The following LIMK2 variants were observed in gnomAD, a reference collection of about 807,000 sequenced individuals.
The protein encoded by LIMK2 is LIM domain kinase 2.
In LIMK2, 35 loss-of-function variants were observed where a neutral mutation model predicts 75.7. That is an observed-to-expected ratio of 0.46 (90% confidence interval 0.35 to 0.61). The LOEUF is 0.61. LIMK2 is among the 20% of genes least tolerant of loss of function. LIMK2 has a pLI of 0.00. For synonymous variants in LIMK2, 301 were observed against 319.2 expected, an observed-to-expected ratio of 0.94 and a Z score of 0.61; for missense variants, 623 against 831.0, an observed-to-expected ratio of 0.75 and a Z score of 3.08.
At chr22:31,264,537 G>A (rs1036766407) in intron 7 of LIMK2, among the ~76,000 whole-genome samples, 1 of 152,200 alleles carries the variant, frequency 6.6e-6, no homozygotes, top group Admixed American at 6.5e-5. Context: ...TGTAAACATA[G>A]TGACTTTATT....
At chr22:31,253,263 A>G (rs1400148981) in intron 2 of LIMK2, among the ~76,000 whole-genome samples, 3 of 152,356 alleles carry the variant, frequency 2.0e-5, no homozygotes, top group African/African-American at 7.2e-5. Context: ...ACCTACAGCC[A>G]GGGCAGATTT....
At chr22:31,278,151 T>C (rs1601452960) in intron 15 of LIMK2, 146 bp from the exon 16 acceptor site, 4 of 667,366 alleles carry the variant, frequency 6.0e-6, no homozygotes, top group Non-Finnish European at 1.0e-5. Flanking sequence ...GGTAACATTA[T>C]GCCCATTTCT....
At chr22:31,265,365 CAAAAAT>C (rs922167607) in intron 7 of LIMK2, among the ~76,000 whole-genome samples, 1 of 151,382 alleles carries the variant, frequency 6.6e-6, no homozygotes, top group African/African-American at 2.4e-5. Context: ...GACTCTGTCT[CAAAAAT>C]AATAATAATA....
chr22:31,271,311 A>G, intron 12 of LIMK2, 110 bp downstream of exon 12: 1 of 895,956 alleles, frequency 1.1e-6, no homozygotes. Context: ...GGTGTTGCCT[A>G]GGAGCTCCTA....
chr22:31,247,905 A>G (rs2048685583), intron 2 of LIMK2, among the ~76,000 whole-genome samples: 1 of 152,148 alleles, frequency 6.6e-6, no homozygotes, highest in Non-Finnish European at 1.5e-5. Flanking sequence ...TCCCCAGGAC[A>G]GGCAGAGGGA....
chr22:31,256,379 C>T (rs1601428106), intron 2 of LIMK2, among the ~76,000 whole-genome samples: 1 of 147,248 alleles, frequency 6.8e-6, no homozygotes, highest in South Asian at 2.2e-4. Flanking sequence ...CTGACTCTGT[C>T]ACCCAGGCTG....
Position 31,259,253 on chromosome 22 carries a change from A to G in LIMK2, c.362+23A>G, listed in dbSNP as rs780215911. ...CTGGTAAGATAGTGGTCCTTTGTCT[A>G]TCCTCTCCCATATAAGAGTGGCTGG... On this transcript the variant is annotated intron_variant, in intron 4 of 15. Coordinates refer to ENST00000331728, the MANE Select transcript of LIMK2 (RefSeq NM_005569.4). The G allele has an allele frequency of 1.4e-5, 20 of 1,450,426 alleles. No homozygotes were observed. In the African/African-American group the frequency reaches 1.8e-4, roughly 13 times the overall value. The allele number at this position is 1,450,426 out of a possible 1,614,324, so 89.8% of individuals were successfully genotyped here. A position where few individuals can be genotyped will look rare whatever the true frequency, so the allele number is the denominator to read the frequency against.
chr22:31,236,310 A>T (rs1313555216), intron 2 of LIMK2, among the ~76,000 whole-genome samples: 1 of 150,962 alleles, frequency 6.6e-6, no homozygotes, highest in Non-Finnish European at 1.5e-5. Flanking sequence ...AAAAAAAAAA[A>T]ACAAACTGGA....
At chr22:31,248,458 A>G in intron 2 of LIMK2, 1 of 1,487,540 alleles carries the variant, frequency 6.7e-7, no homozygotes. Context: ...CTCGGAGTCC[A>G]GAGGGGCCGC....
chr22:31,272,182 T>G (rs2048964534), intron 12 of LIMK2, among the ~76,000 whole-genome samples: 1 of 151,622 alleles, frequency 6.6e-6, no homozygotes, highest in Non-Finnish European at 1.5e-5. Context: ...TGCTTCAGCC[T>G]CCCAAGTAGC....
intron 2 of LIMK2, among the ~76,000 whole-genome samples, chr22:31,227,977 A>G (rs1251549091): frequency 6.6e-6 from 1 of 151,868 alleles, no homozygotes; most frequent in Non-Finnish European, 1.5e-5. Context: ...CTCTTGGGTC[A>G]TTTGTAGGTC....
At chr22:31,249,148 C>T (rs1363091708) in intron 2 of LIMK2, among the ~76,000 whole-genome samples, 1 of 152,186 alleles carries the variant, frequency 6.6e-6, no homozygotes, top group African/African-American at 2.4e-5. Flanking sequence ...ATGCTGCCTG[C>T]CCAGGAATTT....
chr22:31,259,814 A>G, intron 4 of LIMK2, 75 bp from the exon 5 acceptor site: 1 of 1,320,916 alleles, frequency 7.6e-7, no homozygotes, highest in Non-Finnish European at 1.0e-6. Context: ...GCTTAAAGCC[A>G]CATGGTGCAG....
chr22:31,220,846 C>A (rs2048427468), intron 1 of LIMK2, among the ~76,000 whole-genome samples: 1 of 152,162 alleles, frequency 6.6e-6, no homozygotes, highest in Non-Finnish European at 1.5e-5. Context: ...CCCACAATCC[C>A]AGCTATACTC....
intron 14 of LIMK2, among the ~76,000 whole-genome samples, chr22:31,273,743 G>T (rs958072232): frequency 6.6e-6 from 1 of 152,208 alleles, no homozygotes; most frequent in Non-Finnish European, 1.5e-5. Context: ...CGTTGCCCAG[G>T]CTGGAGTGCA....
intron 2 of LIMK2, among the ~76,000 whole-genome samples, chr22:31,255,306 C>T (rs755118428): frequency 4.6e-5 from 7 of 152,146 alleles, no homozygotes; most frequent in Non-Finnish European, 1.0e-4. Context: ...GGAGTGTGAG[C>T]CACATACCAA....
intron 1 of LIMK2, chr22:31,222,985 CA>C (rs2048449875): frequency 6.6e-6 from 1 of 152,122 alleles, no homozygotes; most frequent in Admixed American, 6.5e-5. Context: ...GGATCCAGAA[CA>C]GGGGTGTCAT....
chr22:31,252,531 ACT>A lies in LIMK2; in HGVS notation c.117-5757_117-5756del, dbSNP rs201265072. Among the ~76,000 whole-genome samples the A allele has an allele frequency of 4.4e-4, 60 of 136,264 alleles. No individual in the cohort carries two copies. The East Asian group carries it at 0.011, about 25-fold the overall frequency. The allele number at this position is 136,264 out of a possible 152,430, so 89.4% of individuals were successfully genotyped here. A position where few individuals can be genotyped will look rare whatever the true frequency, so the allele number is the denominator to read the frequency against. ...ACTCCAGCCTGGGTGACAGAGTAAG[ACT>A]CTGTCTCTTAAAAAAAAAAAAAAAA... is the stretch of plus-strand genomic sequence containing the variant. On this transcript the variant is annotated intron_variant, in intron 2 of 15. Transcript: ENST00000331728.
At chr22:31,277,472 G>C in intron 15 of LIMK2, 1 of 1,115,418 alleles carries the variant, frequency 9.0e-7, no homozygotes, top group Non-Finnish European at 1.1e-6. Context: ...AAATTTTCTG[G>C]TGGGAGAATC....
Sources: gnomAD v4.1 joint callset for allele counts (sites outside exome capture counted in the v4.1 genomes callset) on GRCh38, gnomAD v4.1.1 for gene constraint, MANE v1.5 for transcripts, NCBI Gene and HGNC (gene_info 2026-07-23, HGNC 2026-07-21) for gene names.